MUC7: variants seen among roughly 807,000 people sequenced by gnomAD.
MUC7 encodes the protein mucin-7.
Under a neutral mutation model 2.5 loss-of-function variants are expected in MUC7, and 2 were observed. That is an observed-to-expected ratio of 0.81 (90% CI 0.33 to 2.55). The LOEUF is 2.55. Among genes scored for constraint, MUC7 ranks in the 30% most tolerant of loss-of-function variants. The probability of loss-of-function intolerance (pLI) is 0.11; values close to 1 mark genes in which losing one functional copy is unlikely to be tolerated. For missense variants in MUC7, 408 were observed against 455.6 expected, an observed-to-expected ratio of 0.90 and a Z score of 0.95; for synonymous variants, 133 against 173.4, an observed-to-expected ratio of 0.77 and a Z score of 1.83.
At chr4:70,453,608 G>T (rs577057005) in intron 1 of MUC7, among the ~76,000 whole-genome samples, 18 of 151,182 alleles carry the variant, frequency 1.2e-4, no homozygotes, top group African/African-American at 4.4e-4. Context: ...CCCATTTGGT[G>T]CTCTATCTCA....
At chr4:70,442,054 A>C (rs1030373386) in intron 1 of MUC7, among the ~76,000 whole-genome samples, 3 of 152,246 alleles carry the variant, frequency 2.0e-5, no homozygotes, top group Non-Finnish European at 4.4e-5. Flanking sequence ...AGGATTGAAA[A>C]GATACAAAGA....
chr4:70,437,791 C>T (rs1577897576), intron 1 of MUC7, among the ~76,000 whole-genome samples: 2 of 152,100 alleles, frequency 1.3e-5, no homozygotes, highest in African/African-American at 4.8e-5. Context: ...GCAGAAATCA[C>T]CATCTTCTGC....
chr4:70,432,481 A>C (rs140458888), intron 1 of MUC7, among the ~76,000 whole-genome samples: 2,866 of 152,230 alleles, frequency 0.019, 45 homozygotes, highest in Non-Finnish European at 0.029. Flanking sequence ...TTTGATTTGC[A>C]TTTCTCTGAT....
chr4:70,457,940 C>T (rs1734451306), intron 1 of MUC7, among the ~76,000 whole-genome samples: 1 of 151,982 alleles, frequency 6.6e-6, no homozygotes, highest in Non-Finnish European at 1.5e-5. Flanking sequence ...ATTCTGAAAA[C>T]TCTTTCAAAA....
At chr4:70,466,743 T>C (rs987072715) in intron 1 of MUC7, among the ~76,000 whole-genome samples, 40 of 152,100 alleles carry the variant, frequency 2.6e-4, no homozygotes, top group Non-Finnish European at 4.3e-4. Context: ...TACAGGAGCA[T>C]CCAGATTCAT....
chr4:70,431,861 A>T (rs1455596124), intron 1 of MUC7, among the ~76,000 whole-genome samples: 1 of 152,030 alleles, frequency 6.6e-6, no homozygotes, highest in Non-Finnish European at 1.5e-5. Context: ...ACTCGTCAGT[A>T]ACATTAGGTA....
At chr4:70,475,258 G>A (rs2109742554) in intron 2 of MUC7, among the ~76,000 whole-genome samples, 1 of 152,180 alleles carries the variant, frequency 6.6e-6, no homozygotes, top group East Asian at 1.9e-4. Context: ...CAGCCTGGGT[G>A]ACAGAGCAAG....
intron 1 of MUC7, among the ~76,000 whole-genome samples, chr4:70,442,547 G>A (rs1734035483): frequency 6.6e-6 from 1 of 152,152 alleles, no homozygotes; most frequent in African/African-American, 2.4e-5. Context: ...CACAGTAGCA[G>A]CATGGTCACC....
At chr4:70,434,388 A>G (rs1170991247) in intron 1 of MUC7, among the ~76,000 whole-genome samples, 1 of 152,122 alleles carries the variant, frequency 6.6e-6, no homozygotes, top group Non-Finnish European at 1.5e-5. Flanking sequence ...TTATTGCCTC[A>G]ATTTCAGAAC....
intron 1 of MUC7, among the ~76,000 whole-genome samples, chr4:70,443,797 A>T (rs994048195): frequency 6.6e-6 from 1 of 152,130 alleles, no homozygotes; most frequent in African/African-American, 2.4e-5. Context: ...GACTGGTCCA[A>T]AAAAAAACTT....
At position 70,432,345 on chromosome 4, in the gene MUC7, C is replaced by T. The variant is rs372998116; in HGVS notation, c.-93+1658C>T. 1.5e-4 allele frequency among the ~76,000 whole-genome samples: 23 copies of T among 152,318 alleles called. 1 individual carries two copies. In the East Asian group the frequency reaches 2.5e-3, roughly 17 times the overall value. ...CACACTGTCTTCTATAATGGTTGAA[C>T]TAGTTTACAGTCCCACCAACAGTGT... On this transcript the variant is annotated intron_variant, in intron 1 of 3. Coordinates refer to the MUC7 transcript ENST00000413702.
intron 1 of MUC7, among the ~76,000 whole-genome samples, chr4:70,432,995 C>T (rs748190439): frequency 1.1e-4 from 17 of 152,146 alleles, no homozygotes; most frequent in Non-Finnish European, 2.1e-4. Flanking sequence ...GAATCCTTTC[C>T]CCATTGCTTG....
At chr4:70,462,036 AC>A (rs935201332) in intron 1 of MUC7, among the ~76,000 whole-genome samples, 70 of 152,194 alleles carry the variant, frequency 4.6e-4, no homozygotes, top group African/African-American at 1.4e-3. Flanking sequence ...ACATAAGGGG[AC>A]CCCGTCTCTA....
chr4:70,452,550 A>G (rs556462606), intron 1 of MUC7, among the ~76,000 whole-genome samples: 12 of 58,624 alleles, frequency 2.0e-4, no homozygotes, highest in African/African-American at 5.5e-4. Flanking sequence ...AAAGAACAAA[A>G]AACAAAAACA....
intron 1 of MUC7, among the ~76,000 whole-genome samples, chr4:70,435,154 G>A (rs1039956006): frequency 2.0e-5 from 3 of 152,192 alleles, no homozygotes; most frequent in Admixed American, 6.5e-5. Flanking sequence ...GAATAAGTGT[G>A]AAATGGTGCT....
At chr4:70,432,225 T>C (rs1400569018) in intron 1 of MUC7, among the ~76,000 whole-genome samples, 1 of 152,254 alleles carries the variant, frequency 6.6e-6, no homozygotes, top group Non-Finnish European at 1.5e-5. Context: ...CATGTGTCTT[T>C]ATAGCAGCAT....
chr4:70,434,802 G>T (rs1329488493), intron 1 of MUC7, among the ~76,000 whole-genome samples: 2 of 152,098 alleles, frequency 1.3e-5, no homozygotes, highest in Middle Eastern at 3.2e-3. Flanking sequence ...TGATGTGAGG[G>T]TGTCGATTTT....
rs554392901 is a variant in MUC7 at position 70,434,915 on chromosome 4, C to G, written c.-93+4228C>G. On this transcript the variant is annotated intron_variant, in intron 1 of 3. Coordinates refer to the MUC7 transcript ENST00000413702. ...GATTCTGGTATGTTGTGTCTTTGTT[C>G]TCGTTGGTTTCAAAGAACATCTTTA... Among the ~76,000 whole-genome samples, 7 of 152,196 alleles carry G rather than the reference C, an allele frequency of 4.6e-5. No individual in the cohort carries two copies. The South Asian group carries it at 1.0e-3, about 23-fold the overall frequency.
intron 1 of MUC7, among the ~76,000 whole-genome samples, chr4:70,472,757 G>A (rs1357915719): frequency 6.6e-6 from 1 of 152,158 alleles, no homozygotes; most frequent in Non-Finnish European, 1.5e-5. Context: ...AGTGGGCAGA[G>A]CTTAAATCAA....
Sources: gnomAD v4.1 joint callset for allele counts (sites outside exome capture counted in the v4.1 genomes callset) on GRCh38, gnomAD v4.1.1 for gene constraint, MANE v1.5 for transcripts, NCBI Gene and HGNC (gene_info 2026-07-23, HGNC 2026-07-21) for gene names.